The following SIPA1L2 variants were observed in gnomAD, a reference collection of about 807,000 sequenced individuals.
SIPA1L2 encodes the protein signal induced proliferation associated 1 like 2.
In SIPA1L2, 56 loss-of-function variants were observed where a neutral mutation model predicts 163.9. The observed-to-expected ratio is 0.34, with a 90% CI of 0.28 to 0.43. SIPA1L2 has a LOEUF of 0.43. SIPA1L2 is among the 20% of genes least tolerant of loss of function. SIPA1L2 has a pLI of 1.00. For synonymous variants in SIPA1L2, 877 were observed against 865.7 expected, an observed-to-expected ratio of 1.01 and a Z score of -0.23; for missense variants, 1,974 against 2,193.5, an observed-to-expected ratio of 0.90 and a Z score of 2.00.
Position 232,605,487 on chromosome 1 carries a change from G to A in SIPA1L2, c.-319+24382C>T, listed in dbSNP as rs79384989. Among the ~76,000 whole-genome samples the A allele has an allele frequency of 3.3e-5, 5 of 152,184 alleles. No homozygotes were observed. The South Asian group carries it at 1.0e-3, about 32-fold the overall frequency. On this transcript the variant is annotated intron_variant, in intron 1 of 22. Transcript: ENST00000674635. The stretch of plus-strand genomic sequence containing the variant: ...AAACGGATGGATCACCTGCGGTCAG[G>A]AATTCAACACAAGCCTGGCCAACAC...
At chr1:232,407,185 C>G (rs1346615447) in intron 19 of SIPA1L2, among the ~76,000 whole-genome samples, 1 of 152,200 alleles carries the variant, frequency 6.6e-6, no homozygotes, top group Non-Finnish European at 1.5e-5. Context: ...GAAACCATTT[C>G]AATTTACTTT....
intron 1 of SIPA1L2, among the ~76,000 whole-genome samples, chr1:232,581,791 C>T (rs1433148944): frequency 6.6e-6 from 1 of 152,174 alleles, no homozygotes; most frequent in East Asian, 1.9e-4. Context: ...TGCCTCTGTC[C>T]CTTCTATCAA....
At chr1:232,521,679 G>A (rs1339827919) in intron 2 of SIPA1L2, among the ~76,000 whole-genome samples, 2 of 152,052 alleles carry the variant, frequency 1.3e-5, no homozygotes, top group East Asian at 1.9e-4. Flanking sequence ...GTCCTGAGTC[G>A]ACACAGTATC....
chr1:232,466,105 G>A (rs752681968), intron 8 of SIPA1L2, among the ~76,000 whole-genome samples: 8 of 152,174 alleles, frequency 5.3e-5, no homozygotes, highest in Non-Finnish European at 7.3e-5. Context: ...TGTGGAATAA[G>A]CAGGCTGGCA....
At chr1:232,425,850 A>G in intron 17 of SIPA1L2, 42 bp from the exon 18 acceptor site, 1 of 1,554,264 alleles carries the variant, frequency 6.4e-7, no homozygotes, top group Non-Finnish European at 8.8e-7. Flanking sequence ...AGACATTAAA[A>G]AAACGAATGC....
chr1:232,535,911 G>A (rs1434318240), intron 2 of SIPA1L2, among the ~76,000 whole-genome samples: 1 of 152,198 alleles, frequency 6.6e-6, no homozygotes, highest in East Asian at 1.9e-4. Context: ...GAGATTTAAT[G>A]TTCCATCAAA....
chr1:232,442,239 A>G (rs1186455919), intron 12 of SIPA1L2, among the ~76,000 whole-genome samples: 1 of 150,508 alleles, frequency 6.6e-6, no homozygotes, highest in Non-Finnish European at 1.5e-5. Flanking sequence ...ATCTCTTTAT[A>G]TTAAATTTTT....
At chr1:232,566,886 T>C (rs770717829) in intron 2 of SIPA1L2, among the ~76,000 whole-genome samples, 1 of 152,232 alleles carries the variant, frequency 6.6e-6, no homozygotes, top group Non-Finnish European at 1.5e-5. Flanking sequence ...GGATTCAATT[T>C]GGTTTTGCAC....
intron 1 of SIPA1L2, among the ~76,000 whole-genome samples, chr1:232,618,651 C>G (rs1302602679): frequency 9.5e-6 from 1 of 105,512 alleles, no homozygotes; most frequent in East Asian, 2.6e-4. Context: ...GAGACTCCAT[C>G]TCAAAAAAAA....
intron 1 of SIPA1L2, among the ~76,000 whole-genome samples, chr1:232,615,429 G>A (rs557535360): frequency 8.5e-5 from 13 of 152,230 alleles, no homozygotes; most frequent in African/African-American, 2.6e-4. Flanking sequence ...TATTTGCCCC[G>A]ACCCCATCCC....
At chr1:232,503,827 A>G (rs1271352863) in intron 3 of SIPA1L2, among the ~76,000 whole-genome samples, 1 of 152,140 alleles carries the variant, frequency 6.6e-6, no homozygotes, top group Non-Finnish European at 1.5e-5. Context: ...AATTATGTGT[A>G]TTTTAAATCA....
intron 7 of SIPA1L2, among the ~76,000 whole-genome samples, chr1:232,474,390 AC>A (rs1377974438): frequency 6.6e-6 from 1 of 152,184 alleles, no homozygotes; most frequent in Non-Finnish European, 1.5e-5. Flanking sequence ...GTGAGTCTTC[AC>A]CCAATTCCAT....
chr1:232,422,152 A>G (rs748657973), intron 18 of SIPA1L2, among the ~76,000 whole-genome samples: 1 of 152,176 alleles, frequency 6.6e-6, no homozygotes, highest in Non-Finnish European at 1.5e-5. Context: ...TTCTTCTGCA[A>G]TCTACCAATG....
chr1:232,451,104 CTTTG>C (rs767890905), intron 10 of SIPA1L2, among the ~76,000 whole-genome samples: 28 of 152,224 alleles, frequency 1.8e-4, no homozygotes, highest in Non-Finnish European at 4.0e-4. Flanking sequence ...CTAGATTTTG[CTTTG>C]TTTACTTCTA....
At chr1:232,401,364 G>A (rs950004648) in intron 22 of SIPA1L2, among the ~76,000 whole-genome samples, 4 of 152,174 alleles carry the variant, frequency 2.6e-5, no homozygotes, top group Admixed American at 2.0e-4. Flanking sequence ...TTTAATTTAT[G>A]CTCCAAATTC....
intron 2 of SIPA1L2, among the ~76,000 whole-genome samples, chr1:232,552,668 C>T (rs1007733691): frequency 2.6e-5 from 4 of 152,004 alleles, no homozygotes; most frequent in Non-Finnish European, 5.9e-5. Context: ...CCACACACAG[C>T]CAATAAGTAT....
intron 3 of SIPA1L2, among the ~76,000 whole-genome samples, chr1:232,512,537 C>G (rs1253306399): frequency 6.6e-6 from 1 of 152,044 alleles, no homozygotes; most frequent in African/African-American, 2.4e-5. Flanking sequence ...TACTATGTAG[C>G]CATAAAAAAG....
chr1:232,618,850 T>C lies in SIPA1L2; in HGVS notation c.-319+11019A>G, dbSNP rs570045177. 7.2e-5 allele frequency among the ~76,000 whole-genome samples: 11 copies of C among 152,336 alleles called. No individual in the cohort carries two copies. In the East Asian group the frequency reaches 1.7e-3, roughly 24 times the overall value. Reference sequence around the variant, plus strand: ...TCAGTAATTTTATACCAAAACGTCATTTATATCTCTGTATATCCAAAGTAA... The same window carrying C: ...TCAGTAATTTTATACCAAAACGTCACTTATATCTCTGTATATCCAAAGTAA... On this transcript the variant is annotated intron_variant, in intron 1 of 22. Coordinates refer to ENST00000674635, the MANE Select transcript of SIPA1L2 (RefSeq NM_020808.5).
intron 7 of SIPA1L2, among the ~76,000 whole-genome samples, chr1:232,477,593 T>C (rs561986364): frequency 2.8e-4 from 43 of 152,272 alleles, no homozygotes; most frequent in African/African-American, 1.0e-3. Flanking sequence ...TACTTTCCAG[T>C]TGGGGAAGTT....
Sources: allele counts gnomAD v4.1 joint callset (sites outside exome capture counted in the v4.1 genomes callset), GRCh38; gene constraint gnomAD v4.1.1; transcripts MANE v1.5; gene names NCBI Gene and HGNC (gene_info 2026-07-23, HGNC 2026-07-21).